Variants in XPO5 observed in about 807,000 individuals in gnomAD.
XPO5 encodes the protein exportin-5.
In XPO5, 46 loss-of-function variants were observed where a neutral mutation model predicts 160.6. The ratio of observed to expected loss-of-function variants is 0.29; its 90% CI spans 0.23 to 0.37. XPO5 has a LOEUF of 0.37. XPO5 is among the 10% of genes least tolerant of loss of function. The probability of loss-of-function intolerance (pLI) is 1.00; values close to 1 mark genes in which losing one functional copy is unlikely to be tolerated. For synonymous variants in XPO5, 537 were observed against 519.3 expected, an observed-to-expected ratio of 1.03 and a Z score of -0.46; for missense variants, 1,090 against 1,463.9, an observed-to-expected ratio of 0.74 and a Z score of 4.17.
rs761347113 is a variant in XPO5, at chr6:43,575,748, GA to G, written c.105+11del. On this transcript the variant is annotated intron_variant, in intron 1 of 31. Coordinates refer to ENST00000265351, the MANE Select transcript of XPO5 (RefSeq NM_020750.3). Reference sequence around the variant, plus strand: ...TGTCGGGACCGGCCCAGGACGCCAGGACCCCAGCTACCTTGAGGGCTTCCAG... The same window carrying G: ...TGTCGGGACCGGCCCAGGACGCCAGGCCCCAGCTACCTTGAGGGCTTCCAG... 6.2e-7 allele frequency: 1 copy of G among 1,607,078 alleles called. No individual in the cohort carries two copies. The highest frequency in any genetic ancestry group is 2.3e-5 in the East Asian group (1 of 44,294).
At chr6:43,558,378 A>G in intron 12 of XPO5, 123 bp downstream of exon 12, 1 of 817,802 alleles carries the variant, frequency 1.2e-6, no homozygotes. Context: ...AGGGCCTAAT[A>G]AGTAGGCTGC....
intron 20 of XPO5, among the ~76,000 whole-genome samples, chr6:43,536,857 C>A (rs1466526834): frequency 7.0e-6 from 1 of 142,810 alleles, no homozygotes; most frequent in Non-Finnish European, 1.5e-5. Context: ...TGGTAGGAAT[C>A]TAATTGTTTT....
At chr6:43,527,788 A>G in intron 25 of XPO5, 57 bp from the exon 26 acceptor site, 1 of 1,583,432 alleles carries the variant, frequency 6.3e-7, no homozygotes, top group Non-Finnish European at 8.7e-7. Context: ...AGGACAAGGA[A>G]AGCAGCGACC....
At chr6:43,567,029 G>C in intron 7 of XPO5, 140 bp downstream of exon 7, 1 of 788,458 alleles carries the variant, frequency 1.3e-6, no homozygotes, top group Non-Finnish European at 1.9e-6. Flanking sequence ...CCTGTCCAAG[G>C]GGGTTGGAAG....
intron 20 of XPO5, among the ~76,000 whole-genome samples, chr6:43,536,779 A>AC (rs1794354126): frequency 6.7e-6 from 1 of 150,054 alleles, no homozygotes; most frequent in African/African-American, 2.4e-5. Context: ...AAAAAAAAAA[A>AC]AAAAAAAAAA....
chr6:43,566,652 A>G, intron 7 of XPO5: 1 of 432,094 alleles, frequency 2.3e-6, no homozygotes, highest in Non-Finnish European at 4.7e-6. Flanking sequence ...CTACTAAAAA[A>G]TACAAAAATC....
At chr6:43,566,811 TAAAA>T (rs56147929) in intron 7 of XPO5, among the ~76,000 whole-genome samples, 21 of 101,672 alleles carry the variant, frequency 2.1e-4, no homozygotes, top group Admixed American at 4.3e-4. Flanking sequence ...CTGTTTCAAT[TAAAA>T]AAAAAAAAAA....
chr6:43,558,489 A>C lies in XPO5; in HGVS notation c.1312+12T>G. ...AGACTGTTGAGAGAAATCCAAGGCCAACATCACTTACAGTTGAAGAAAGCA... is the reference window on the plus strand; with the variant it reads ...AGACTGTTGAGAGAAATCCAAGGCCCACATCACTTACAGTTGAAGAAAGCA... On this transcript the variant is annotated intron_variant, in intron 12 of 31. Transcript: ENST00000265351. 2 of 1,585,230 alleles carry C rather than the reference A, an allele frequency of 1.3e-6. No homozygotes were observed. Among genetic ancestry groups the C allele is most frequent in the Non-Finnish European group, 1.7e-6 (2 of 1,167,172 alleles).
rs1292843710 is a variant in XPO5 at position 43,551,558 on chromosome 6, T to A, written c.1573-105A>T. On this transcript the variant is annotated intron_variant, in intron 14 of 31. Transcript: ENST00000265351. The stretch of plus-strand genomic sequence containing the variant: ...CTTTTAAAGAGACAGGGTCTCATTC[T>A]GTCACCTAGGCTGGAGTGCACAGTG... 3 of 1,393,782 alleles carry A rather than the reference T, an allele frequency of 2.2e-6. No homozygotes were observed. In the East Asian group the frequency reaches 6.9e-5, roughly 32 times the overall value. The allele number at this position is 1,393,782 out of a possible 1,614,324, so 86.3% of individuals were successfully genotyped here. A position where few individuals can be genotyped will look rare whatever the true frequency, so the allele number is the denominator to read the frequency against.
chr6:43,548,720 ATATATATATATAGATATATATGTATATC>A (rs1795084992), intron 17 of XPO5, among the ~76,000 whole-genome samples: 1 of 150,044 alleles, frequency 6.7e-6, no homozygotes, highest in Non-Finnish European at 1.5e-5. Flanking sequence ...AGCTTGTTTT[ATATATATATATAGATATATATGTATATC>A]TATATATATA....
At chr6:43,537,166 G>C (rs186251513) in intron 20 of XPO5, among the ~76,000 whole-genome samples, 1 of 139,240 alleles carries the variant, frequency 7.2e-6, no homozygotes, top group African/African-American at 2.8e-5. Context: ...TGTAGAGAAA[G>C]TGTCTGTGTT....
intron 20 of XPO5, among the ~76,000 whole-genome samples, chr6:43,543,257 A>G (rs572529856): frequency 2.0e-5 from 3 of 152,106 alleles, no homozygotes; most frequent in Non-Finnish European, 4.4e-5. Flanking sequence ...GTTCAAGACT[A>G]GCCTCAGCAA....
chr6:43,539,120 A>C, intron 20 of XPO5: 1 of 1,219,264 alleles, frequency 8.2e-7, no homozygotes, highest in South Asian at 1.2e-5. Flanking sequence ...TGCAGGGATG[A>C]GGCGCACCAG....
At chr6:43,527,368 T>G in intron 26 of XPO5, 1 of 285,990 alleles carries the variant, frequency 3.5e-6, no homozygotes. Flanking sequence ...GCCTCCCGGG[T>G]TCAAGCGATT....
intron 20 of XPO5, among the ~76,000 whole-genome samples, chr6:43,540,435 C>T (rs748397798): frequency 1.7e-4 from 26 of 151,878 alleles, no homozygotes; most frequent in African/African-American, 4.8e-4. Flanking sequence ...GCCGAGATGG[C>T]GCCACTGCAC....
chr6:43,558,615 GTA>G, intron 11 of XPO5, 24 bp from the exon 12 acceptor site: 1 of 1,545,422 alleles, frequency 6.5e-7, no homozygotes, highest in South Asian at 1.2e-5. Flanking sequence ...GGTAATTGGG[GTA>G]GGGGATGAAA....
chr6:43,555,947 CTTG>C lies in XPO5; in HGVS notation c.1327_1329del (p.Gln443del). 2 of 1,613,902 alleles carry C rather than the reference CTTG, an allele frequency of 1.2e-6. No homozygotes were observed. Among genetic ancestry groups the C allele is most frequent in the Non-Finnish European group, 1.7e-6 (2 of 1,179,850 alleles). ...CGACATGCCAACCTCATCACCTCTC[CTTG>C]TTGTGCTCGGGAGGCTGCCAAGAGA... On this transcript the variant is annotated inframe_deletion, in exon 13 of 32. Transcript: ENST00000265351.
At chr6:43,527,762 G>A (rs772501371) in intron 25 of XPO5, 31 bp from the exon 26 acceptor site, 2 of 1,611,256 alleles carry the variant, frequency 1.2e-6, no homozygotes, top group East Asian at 2.2e-5. Flanking sequence ...AAGTTCCACA[G>A]GAGTGCAGAA....
In XPO5 at chr6:43,539,745, G is replaced by A. The variant is rs1006417289; in HGVS notation, c.2343-5738C>T. 9.9e-6 allele frequency: 6 copies of A among 607,246 alleles called. No individual in the cohort carries two copies. The African/African-American group carries it at 1.1e-4, about 11-fold the overall frequency. 37.6% of individuals were successfully genotyped at this position (607,246 alleles called of 1,614,324 possible). A position where few individuals can be genotyped will look rare whatever the true frequency, so the allele number is the denominator to read the frequency against. ...GAAGAAGCTACATTTTTCTATTCTT[G>A]GGAATAGTTTGTCTAAGAGATAAAT... On this transcript the variant is annotated intron_variant, in intron 20 of 31. Transcript: ENST00000265351.
Sources: allele counts gnomAD v4.1 joint callset (sites outside exome capture counted in the v4.1 genomes callset), GRCh38; gene constraint gnomAD v4.1.1; transcripts MANE v1.5; gene names NCBI Gene and HGNC (gene_info 2026-07-23, HGNC 2026-07-21).